The following AUTS2 variants were observed in gnomAD, a reference collection of about 807,000 sequenced individuals.
AUTS2 encodes autism susceptibility gene 2 protein.
A neutral mutation model predicts 112.4 loss-of-function variants in AUTS2; 17 were observed. The ratio of observed to expected loss-of-function variants is 0.15; its 90% confidence interval spans 0.10 to 0.23. AUTS2 has a LOEUF of 0.23. Ranked by LOEUF, AUTS2 falls within the 10% of genes least tolerant of loss-of-function variation. The pLI is 1.00. For synonymous variants in AUTS2, 751 were observed against 702.7 expected, an observed-to-expected ratio of 1.07 and a Z score of -1.09; for missense variants, 1,510 against 1,701.6, an observed-to-expected ratio of 0.89 and a Z score of 1.98.
chr7:69,713,793 G>T (rs956758252), intron 1 of AUTS2, among the ~76,000 whole-genome samples: 7 of 152,056 alleles, frequency 4.6e-5, no homozygotes, highest in Admixed American at 4.6e-4. Flanking sequence ...TAATTGAGGT[G>T]TTTTATTAAA....
At chr7:70,481,678 TC>T (rs1278791629) in intron 5 of AUTS2, among the ~76,000 whole-genome samples, 1 of 152,156 alleles carries the variant, frequency 6.6e-6, no homozygotes, top group Non-Finnish European at 1.5e-5. Context: ...AATCAATACG[TC>T]CCCTGTGTAT....
intron 1 of AUTS2, among the ~76,000 whole-genome samples, chr7:69,704,610 C>T (rs978966964): frequency 6.6e-6 from 1 of 152,162 alleles, no homozygotes; most frequent in Admixed American, 6.5e-5. Flanking sequence ...CTTACTTTTT[C>T]TTGTGGTCCA....
intron 4 of AUTS2, among the ~76,000 whole-genome samples, chr7:70,284,325 G>T: frequency 6.6e-6 from 1 of 152,084 alleles, no homozygotes; most frequent in East Asian, 1.9e-4. Flanking sequence ...TAATGGCATG[G>T]CTGCCATGTA....
At chr7:70,787,004 A>G (rs1791542264) in intron 17 of AUTS2, 1 of 544,672 alleles carries the variant, frequency 1.8e-6, no homozygotes. Flanking sequence ...TTTTAAAAAG[A>G]AAAAAAAAAG....
chr7:70,145,121 G>T (rs755918189), intron 4 of AUTS2, among the ~76,000 whole-genome samples: 25 of 151,932 alleles, frequency 1.6e-4, no homozygotes, highest in Non-Finnish European at 2.8e-4. Flanking sequence ...AATGCCCCAC[G>T]ATTTGATTTA....
At chr7:69,966,042 G>A (rs186772547) in intron 2 of AUTS2, among the ~76,000 whole-genome samples, 1 of 152,214 alleles carries the variant, frequency 6.6e-6, no homozygotes, top group Non-Finnish European at 1.5e-5. Flanking sequence ...TGGTAATCAC[G>A]CCTAAAATTT....
intron 1 of AUTS2, among the ~76,000 whole-genome samples, chr7:69,745,900 G>C (rs1029167366): frequency 2.6e-5 from 4 of 152,120 alleles, no homozygotes; most frequent in African/African-American, 9.7e-5. Context: ...AGGAGACAAA[G>C]TCTCACTCTT....
intron 5 of AUTS2, among the ~76,000 whole-genome samples, chr7:70,445,135 T>C (rs1435283304): frequency 1.3e-5 from 2 of 152,338 alleles, no homozygotes; most frequent in South Asian, 2.1e-4. Flanking sequence ...TACACCATCG[T>C]TGACCATGTG....
chr7:69,855,308 T>C (rs1792671524), intron 1 of AUTS2, among the ~76,000 whole-genome samples: 1 of 152,142 alleles, frequency 6.6e-6, no homozygotes, highest in Admixed American at 6.5e-5. Context: ...CATTTTCTGT[T>C]TTATCTCTGT....
intron 4 of AUTS2, among the ~76,000 whole-genome samples, chr7:70,171,224 G>A (rs970038484): frequency 7.9e-5 from 12 of 152,292 alleles, no homozygotes; most frequent in South Asian, 4.1e-4. Flanking sequence ...TGGATTGCAT[G>A]CCATTTTCCC....
chr7:69,647,407 G>A (rs970390631), intron 1 of AUTS2, among the ~76,000 whole-genome samples: 1 of 150,780 alleles, frequency 6.6e-6, no homozygotes, highest in Non-Finnish European at 1.5e-5. Context: ...CTGGAGTGCA[G>A]TGCCATGAGC....
At chr7:70,789,671 T>C in intron 18 of AUTS2, 77 bp from the exon 19 acceptor site, 1 of 1,516,984 alleles carries the variant, frequency 6.6e-7, no homozygotes. Context: ...ACACCACCAT[T>C]TCACCCGCAG....
intron 6 of AUTS2, among the ~76,000 whole-genome samples, chr7:70,745,137 G>T (rs759544241): frequency 6.6e-6 from 1 of 152,034 alleles, no homozygotes; most frequent in Non-Finnish European, 1.5e-5. Flanking sequence ...AGTTTGATGT[G>T]TATGTATCCC....
intron 5 of AUTS2, among the ~76,000 whole-genome samples, chr7:70,604,705 G>T (rs1803642625): frequency 6.6e-6 from 1 of 152,218 alleles, no homozygotes. Context: ...CTATGGACAA[G>T]AAAGGAGAAC....
chr7:70,125,470 C>T (rs1396305850), intron 3 of AUTS2, among the ~76,000 whole-genome samples: 2 of 152,166 alleles, frequency 1.3e-5, no homozygotes, highest in Admixed American at 1.3e-4. Context: ...AGTTCTTCCT[C>T]CTCCTTCCCA....
chr7:70,444,376 G>C (rs1222971600), intron 5 of AUTS2, among the ~76,000 whole-genome samples: 1 of 142,540 alleles, frequency 7.0e-6, no homozygotes, highest in Non-Finnish European at 1.6e-5. Flanking sequence ...GTGTGTGTGA[G>C]AGAGAGAGAG....
At position 70,613,218 on chromosome 7, in the gene AUTS2, T is replaced by C. The variant is rs1428149129; in HGVS notation, c.691-85351T>C. ...GAGGAAAAAAGGTTGGAGAGGCATA[T>C]ATATACATATATGTGTGTGTGTCTG... On this transcript the variant is annotated intron_variant, in intron 5 of 18. Transcript: ENST00000342771. 2.1e-5 allele frequency among the ~76,000 whole-genome samples: 3 copies of C among 142,664 alleles called. No homozygotes were observed. The South Asian group carries it at 6.6e-4, about 32-fold the overall frequency. 93.6% of individuals were successfully genotyped at this position (142,664 alleles called of 152,430 possible). A position where few individuals can be genotyped will look rare whatever the true frequency, so the allele number is the denominator to read the frequency against.
At position 70,079,783 on chromosome 7, in the gene AUTS2, T is replaced by C. The variant is rs950444539; in HGVS notation, c.523-38349T>C. ...AAACAGGATGTCTTATTCTGTTTTG[T>C]TCTGCTGTAACAGAACACCGCAAAC... On this transcript the variant is annotated intron_variant, in intron 2 of 18. Transcript: ENST00000342771. Among the ~76,000 whole-genome samples, 16 of 152,256 alleles carry C rather than the reference T, an allele frequency of 1.1e-4. No homozygotes were observed. The South Asian group carries it at 1.2e-3, about 12-fold the overall frequency.
intron 5 of AUTS2, among the ~76,000 whole-genome samples, chr7:70,642,313 T>C (rs1805877456): frequency 6.6e-6 from 1 of 152,236 alleles, no homozygotes; most frequent in African/African-American, 2.4e-5. Context: ...AGATCTTTAC[T>C]TTTGCTATAG....
Sources: gnomAD v4.1 joint callset for allele counts (sites outside exome capture counted in the v4.1 genomes callset) on GRCh38, gnomAD v4.1.1 for gene constraint, MANE v1.5 for transcripts, NCBI Gene and HGNC (gene_info 2026-07-23, HGNC 2026-07-21) for gene names.